Variants in ITGA6 observed in about 807,000 individuals in gnomAD.
The protein encoded by ITGA6 is integrin alpha-6.
In ITGA6, 63 loss-of-function variants were observed where a neutral mutation model predicts 133.6. The observed-to-expected ratio is 0.47, with a 90% CI of 0.38 to 0.58. ITGA6 has a LOEUF of 0.58. ITGA6 is among the 20% of genes least tolerant of loss of function. The pLI is 0.00. For synonymous variants in ITGA6, 434 were observed against 482.0 expected, an observed-to-expected ratio of 0.90 and a Z score of 1.30; for missense variants, 1,068 against 1,309.4, an observed-to-expected ratio of 0.82 and a Z score of 2.85.
chr2:172,447,991 G>T (rs1684835579), intron 1 of ITGA6, among the ~76,000 whole-genome samples: 1 of 152,098 alleles, frequency 6.6e-6, no homozygotes, highest in African/African-American at 2.4e-5. Context: ...CAGACACTCA[G>T]TCTGGACTTA....
intron 2 of ITGA6, among the ~76,000 whole-genome samples, 170 bp from the exon 3 acceptor site, chr2:172,467,311 T>G (rs1685722749): frequency 6.6e-6 from 1 of 152,226 alleles, no homozygotes; most frequent in Non-Finnish European, 1.5e-5. Context: ...AAAAACCACA[T>G]CTCTGTTTCC....
chr2:172,452,696 C>T (rs1007951770), intron 1 of ITGA6, among the ~76,000 whole-genome samples: 8 of 152,174 alleles, frequency 5.3e-5, no homozygotes, highest in African/African-American at 1.2e-4. Flanking sequence ...GTTCAAGCTT[C>T]GTCTGCCAAG....
intron 13 of ITGA6, among the ~76,000 whole-genome samples, chr2:172,486,176 C>CAAAA (rs67271824): frequency 0.03 from 2,339 of 76,722 alleles, 66 homozygotes; most frequent in African/African-American, 0.051. Context: ...ACTCTATCTC[C>CAAAA]AAAAAAAAAA....
rs775737541 is a variant in ITGA6, at chr2:172,475,138, T to C, written c.1180+16T>C. 5 of 1,376,992 alleles carry C rather than the reference T, an allele frequency of 3.6e-6. No individual in the cohort carries two copies. The highest frequency in any genetic ancestry group is 1.0e-6 in the Non-Finnish European group (1 of 964,070). 85.3% of individuals were successfully genotyped at this position (1,376,992 alleles called of 1,614,324 possible). A position where few individuals can be genotyped will look rare whatever the true frequency, so the allele number is the denominator to read the frequency against. ...GGCTACCCAGGTAGATAATAGATTATGAAATGGCTATGATTTATAGATTAT... is the reference window on the plus strand; with the variant it reads ...GGCTACCCAGGTAGATAATAGATTACGAAATGGCTATGATTTATAGATTAT... On this transcript the variant is annotated intron_variant, in intron 7 of 25. Coordinates refer to ENST00000684293, the MANE Select transcript of ITGA6 (RefSeq NM_000210.4).
At chr2:172,452,183 C>G (rs2149018201) in intron 1 of ITGA6, among the ~76,000 whole-genome samples, 1 of 152,260 alleles carries the variant, frequency 6.6e-6, no homozygotes, top group East Asian at 1.9e-4. Context: ...TGGTTCATTG[C>G]TTTGACTACC....
intron 1 of ITGA6, among the ~76,000 whole-genome samples, chr2:172,453,270 T>A (rs1466723099): frequency 6.6e-6 from 1 of 152,126 alleles, no homozygotes; most frequent in East Asian, 1.9e-4. Context: ...CTCATACCTG[T>A]AATCCCAGCA....
At chr2:172,428,221 T>C (rs1160371478) in intron 1 of ITGA6, 12 of 230,290 alleles carry the variant, frequency 5.2e-5, no homozygotes, top group Non-Finnish European at 9.9e-5. Context: ...AGAGTTTACT[T>C]TTTTTTCTGT....
In ITGA6 at chr2:172,505,898, G is replaced by A. The variant is rs973997705; in HGVS notation, c.*1830G>A. On this transcript the variant is annotated 3_prime_UTR_variant, in exon 26 of 26. Coordinates refer to ENST00000684293, the MANE Select transcript of ITGA6 (RefSeq NM_000210.4). ...TGCTTGGGGAACTTGTGTCCCTAAT[G>A]TGTTTAGATTGCTAGATTGCTAAGG... The A allele has an allele frequency of 2.6e-5, 4 of 152,576 alleles. No individual in the cohort carries two copies. The highest frequency in any genetic ancestry group is 2.6e-4 in the Admixed American group (4 of 15,274). 9.5% of individuals were successfully genotyped at this position (152,576 alleles called of 1,614,324 possible).
intron 1 of ITGA6, among the ~76,000 whole-genome samples, chr2:172,447,849 C>CAA (rs1300362804): frequency 7.0e-6 from 1 of 143,216 alleles, no homozygotes; most frequent in Non-Finnish European, 1.5e-5. Context: ...CACATTTTTT[C>CAA]CCCCGGTACG....
At position 172,472,815 on chromosome 2, in the gene ITGA6, C is replaced by T. The variant is rs545414614; in HGVS notation, c.776-1240C>T. 3.7e-6 allele frequency: 6 copies of T among 1,612,566 alleles called. 1 individual carries two copies. The African/African-American group carries it at 8.0e-5, about 21-fold the overall frequency. On this transcript the variant is annotated intron_variant, in intron 5 of 25. Coordinates refer to ENST00000684293, the MANE Select transcript of ITGA6 (RefSeq NM_000210.4). ...CAGCGTTTCCTATACAGATCCTGAT[C>T]AGTTTGTTTATAAAACACGGCCTCC...
chr2:172,469,676 C>T (rs574619687), intron 4 of ITGA6, among the ~76,000 whole-genome samples: 2 of 151,930 alleles, frequency 1.3e-5, no homozygotes, highest in East Asian at 1.9e-4. Flanking sequence ...TAGATTTGTG[C>T]GACTCATGAA....
upstream of ITGA6, chr2:172,427,561 A>G (rs1683893627): frequency 4.1e-5 from 50 of 1,213,842 alleles, no homozygotes; most frequent in Non-Finnish European, 5.1e-5. Context: ...TCACTTGATA[A>G]AACGCCTGCG....
intron 1 of ITGA6, among the ~76,000 whole-genome samples, chr2:172,454,748 G>A (rs1342846763): frequency 6.6e-6 from 1 of 152,184 alleles, no homozygotes; most frequent in African/African-American, 2.4e-5. Context: ...ATCAACTGAT[G>A]TTAAAATCAG....
rs1686929504 is a variant in ITGA6 at position 172,491,519 on chromosome 2, C to A, written c.2984C>A (p.Thr995Asn). Residue 995 changes from threonine (T) to asparagine (N), a missense_variant, in exon 23 of 26, where the codon ACT becomes AAT. Around this residue, in one of 3 missense-constraint regions of ITGA6, gnomAD observed 609 missense variants for 707.2 expected, o/e 0.86. Coordinates refer to ENST00000684293, the MANE Select transcript of ITGA6 (RefSeq NM_000210.4). The surrounding 1 kb of genome is among the most constrained non-coding windows in gnomAD (Gnocchi z 4.4). Reference protein sequence around the residue: ...AENIRLPNAGTQVRVTVFPSK... With the variant: ...AENIRLPNAGNQVRVTVFPSK... ...AATATCAGGCTGCCAAATGCAGGCA[C>A]TCAGGTGAGAGGTTCCCCAGCTTCA... The A allele has an allele frequency of 6.2e-7, 1 of 1,607,834 alleles. No individual in the cohort carries two copies. The highest frequency in any genetic ancestry group is 1.3e-5 in the African/African-American group (1 of 74,898).
intron 1 of ITGA6, among the ~76,000 whole-genome samples, chr2:172,462,653 C>G (rs1685479147): frequency 6.6e-6 from 1 of 152,166 alleles, no homozygotes; most frequent in South Asian, 2.1e-4. Context: ...GTATTAGTTA[C>G]AGAGAGTGGA....
intron 23 of ITGA6, among the ~76,000 whole-genome samples, chr2:172,497,502 CAA>C (rs34616494): frequency 5.0e-4 from 45 of 89,450 alleles, no homozygotes; most frequent in Admixed American, 7.1e-4. Flanking sequence ...ACCCTGTCTC[CAA>C]AAAAAAAAAA....
intron 19 of ITGA6, 33 bp downstream of exon 19, chr2:172,488,261 C>A: frequency 3.1e-6 from 4 of 1,297,126 alleles, no homozygotes; most frequent in Non-Finnish European, 3.4e-6. Context: ...TTCATTATAC[C>A]AAAAGCTGAC....
At chr2:172,459,068 A>G (rs185958108) in intron 1 of ITGA6, among the ~76,000 whole-genome samples, 1 of 152,294 alleles carries the variant, frequency 6.6e-6, no homozygotes, top group East Asian at 1.9e-4. Flanking sequence ...GAGGTTTCAG[A>G]AAGAGGACAG....
intron 25 of ITGA6, 103 bp downstream of exon 25, chr2:172,502,004 G>A (rs1418000618): frequency 1.0e-6 from 1 of 979,052 alleles, no homozygotes; most frequent in African/African-American, 1.6e-5. Flanking sequence ...ATTAACAGAT[G>A]TTTCCAAATG....
Sources: gnomAD v4.1 joint callset for allele counts (sites outside exome capture counted in the v4.1 genomes callset) on GRCh38, gnomAD v4.1.1 for gene constraint, gnomAD v4.1.1 regional missense constraint, Gnocchi (gnomAD v3.1) non-coding constraint, MANE v1.5 for transcripts, NCBI Gene and HGNC (gene_info 2026-07-23, HGNC 2026-07-21) for gene names.